The following KCNN2 variants were observed in gnomAD, a reference collection of about 807,000 sequenced individuals.
KCNN2 encodes potassium calcium-activated channel subfamily N member 2.
In KCNN2, 24 loss-of-function variants were observed where a neutral mutation model predicts 55.5. That is an observed-to-expected ratio of 0.43 (90% CI 0.31 to 0.61). The LOEUF is 0.61. Ranked by LOEUF, KCNN2 falls within the 20% of genes least tolerant of loss-of-function variation. The pLI is 0.08. For synonymous variants in KCNN2, 431 were observed against 336.1 expected, an observed-to-expected ratio of 1.28 and a Z score of -3.09; for missense variants, 754 against 853.6, an observed-to-expected ratio of 0.88 and a Z score of 1.45.
At chr5:114,397,440 G>A (rs967145128) in intron 2 of KCNN2, among the ~76,000 whole-genome samples, 1 of 152,124 alleles carries the variant, frequency 6.6e-6, no homozygotes, top group Non-Finnish European at 1.5e-5. Flanking sequence ...AGGCTGGAGT[G>A]CAATGGTGCT....
intron 2 of KCNN2, among the ~76,000 whole-genome samples, 177 bp downstream of exon 2, chr5:114,364,178 C>T (rs545679100): frequency 9.2e-5 from 14 of 152,314 alleles, no homozygotes; most frequent in Middle Eastern, 3.4e-3. Flanking sequence ...GAAAACAACA[C>T]AAGGCAGGGT....
At chr5:114,080,417 G>A (rs890859581) in intron 1 of KCNN2, among the ~76,000 whole-genome samples, 1 of 152,094 alleles carries the variant, frequency 6.6e-6, no homozygotes, top group African/African-American at 2.4e-5. Flanking sequence ...GAAGCCTTCC[G>A]GGCCTGGAGA....
chr5:114,067,036 T>G (rs1268108603), intron 1 of KCNN2, among the ~76,000 whole-genome samples: 1 of 152,236 alleles, frequency 6.6e-6, no homozygotes, highest in Non-Finnish European at 1.5e-5. Context: ...GCTGCCAGTG[T>G]TGACAGAACA....
chr5:114,363,136 C>T lies in KCNN2; in HGVS notation c.997C>T (p.Leu333=). The T allele has an allele frequency of 6.2e-7, 1 of 1,613,498 alleles. No individual in the cohort carries two copies. The highest frequency in any genetic ancestry group is 1.1e-5 in the South Asian group (1 of 91,086). Residue 333 remains leucine, a synonymous_variant, in exon 1 of 8, where the codon CTG becomes TTG. Coordinates refer to ENST00000673685, the MANE Select transcript of KCNN2 (RefSeq NM_021614.4). The part of the protein sequence containing the change: ...KKKNQNIGYK[L]GHRRALFEKR... Reference sequence around the variant, plus strand: ...GAAAAACCAGAACATCGGCTACAAGCTGGGCCACCGGCGCGCCCTGTTCGA... The same window carrying T: ...GAAAAACCAGAACATCGGCTACAAGTTGGGCCACCGGCGCGCCCTGTTCGA...
intron 2 of KCNN2, among the ~76,000 whole-genome samples, chr5:114,231,957 A>T (rs1378842453): frequency 6.6e-6 from 1 of 150,680 alleles, no homozygotes; most frequent in Non-Finnish European, 1.5e-5. Context: ...CTTGGCAAAA[A>T]TCAGTTTAAA....
chr5:114,253,801 G>T (rs564841549), intron 2 of KCNN2: 6 of 152,156 alleles, frequency 3.9e-5, no homozygotes, highest in African/African-American at 1.4e-4. Flanking sequence ...TACACCATAG[G>T]CTTTTTACAG....
chr5:114,417,077 C>A (rs1759328782), intron 3 of KCNN2, among the ~76,000 whole-genome samples: 4 of 152,126 alleles, frequency 2.6e-5, no homozygotes, highest in African/African-American at 7.2e-5. Flanking sequence ...TGGAATAATA[C>A]CTTTTATGCC....
intron 1 of KCNN2, among the ~76,000 whole-genome samples, chr5:114,158,454 T>C (rs1315883851): frequency 6.6e-6 from 1 of 152,108 alleles, no homozygotes; most frequent in African/African-American, 2.4e-5. Context: ...CCAGGTTTGT[T>C]CTTTTGGCTT....
At chr5:114,073,348 T>G (rs1376233195) in intron 1 of KCNN2, among the ~76,000 whole-genome samples, 1 of 152,254 alleles carries the variant, frequency 6.6e-6, no homozygotes, top group Non-Finnish European at 1.5e-5. Flanking sequence ...ACTTCTTACA[T>G]GGCTGGCCTA....
At chr5:114,124,438 T>C (rs1195769221) in intron 1 of KCNN2, among the ~76,000 whole-genome samples, 1 of 152,166 alleles carries the variant, frequency 6.6e-6, no homozygotes, top group Non-Finnish European at 1.5e-5. Flanking sequence ...TCTTAATAAG[T>C]AGAAACTGCA....
chr5:114,443,190 C>A (rs1760281430), intron 3 of KCNN2, among the ~76,000 whole-genome samples: 1 of 151,766 alleles, frequency 6.6e-6, no homozygotes, highest in African/African-American at 2.4e-5. Context: ...ACTGAGGAGG[C>A]TGAGGCAGAA....
Position 114,062,887 on chromosome 5 carries a change from C to T in KCNN2, c.-271+6387C>T, listed in dbSNP as rs964909192. Among the ~76,000 whole-genome samples, 7 of 152,142 alleles carry T rather than the reference C, an allele frequency of 4.6e-5. No homozygotes were observed. The East Asian group carries it at 1.2e-3, about 25-fold the overall frequency. The stretch of plus-strand genomic sequence containing the variant: ...ATTTGCTAGACAGAACTCTTCATTG[C>T]ACTTAGGTAAACTTCATTCCAAGCT... On this transcript the variant is annotated intron_variant, in intron 1 of 10. Transcript: ENST00000512097.
At chr5:114,489,389 G>C (rs998167416) in intron 6 of KCNN2, among the ~76,000 whole-genome samples, 1 of 152,136 alleles carries the variant, frequency 6.6e-6, no homozygotes, top group African/African-American at 2.4e-5. Flanking sequence ...TCTTAAGGGT[G>C]GGTACTGTGG....
intron 1 of KCNN2, among the ~76,000 whole-genome samples, chr5:114,205,001 T>G (rs1753741027): frequency 6.6e-6 from 1 of 152,226 alleles, no homozygotes; most frequent in African/African-American, 2.4e-5. Flanking sequence ...ATAGCATCTA[T>G]TCAGCCAGCT....
intron 2 of KCNN2, among the ~76,000 whole-genome samples, chr5:114,351,758 C>T (rs1034637628): frequency 6.6e-6 from 1 of 151,662 alleles, no homozygotes; most frequent in Non-Finnish European, 1.5e-5. Context: ...GTTTGTATTA[C>T]ACTAATTAAT....
chr5:114,097,861 C>G (rs1751291460), intron 1 of KCNN2, among the ~76,000 whole-genome samples: 1 of 152,182 alleles, frequency 6.6e-6, no homozygotes, highest in African/African-American at 2.4e-5. Flanking sequence ...TCTCCAGTGT[C>G]CTAAGCTTCC....
intron 2 of KCNN2, among the ~76,000 whole-genome samples, chr5:114,367,358 G>A (rs553194646): frequency 5.3e-5 from 8 of 152,260 alleles, no homozygotes; most frequent in African/African-American, 1.7e-4. Flanking sequence ...CATTTTGGTC[G>A]TAATACTTAT....
At chr5:114,412,721 G>C (rs1759174804) in intron 3 of KCNN2, among the ~76,000 whole-genome samples, 1 of 152,180 alleles carries the variant, frequency 6.6e-6, no homozygotes, top group Non-Finnish European at 1.5e-5. Context: ...TCCTTTCCCA[G>C]CACTAGCCAT....
chr5:114,077,995 T>C (rs6868117), intron 1 of KCNN2, among the ~76,000 whole-genome samples: 23,451 of 152,190 alleles, frequency 0.15, 1,910 homozygotes, highest in Middle Eastern at 0.21. Context: ...TAGTCTTTGA[T>C]TATGTTATTG....
Sources: gnomAD v4.1 joint callset for allele counts (sites outside exome capture counted in the v4.1 genomes callset) on GRCh38, gnomAD v4.1.1 for gene constraint, MANE v1.5 for transcripts, NCBI Gene and HGNC (gene_info 2026-07-23, HGNC 2026-07-21) for gene names.